GPATCH2L: variants seen among roughly 807,000 people sequenced by gnomAD.
GPATCH2L encodes G-patch domain containing 2 like.
A neutral mutation model predicts 57.4 loss-of-function variants in GPATCH2L; 31 were observed. The observed-to-expected ratio is 0.54, with a 90% CI of 0.41 to 0.73. The LOEUF is 0.73. Among genes scored for constraint, GPATCH2L ranks in the 30% least tolerant of loss-of-function variants. The pLI, the probability that GPATCH2L is intolerant of heterozygous loss-of-function variation, is 0.00. For missense variants in GPATCH2L, 481 were observed against 599.9 expected (o/e 0.80, Z 2.07); for synonymous variants, 199 against 210.7 (o/e 0.94, Z 0.48).
chr14:76,184,024 GT>G (rs376199349), intron 8 of GPATCH2L, among the ~76,000 whole-genome samples: 122,090 of 150,506 alleles, frequency 0.81, 50,535 homozygotes, highest in Non-Finnish European at 0.9. Flanking sequence ...CATTAGCATG[GT>G]GTGTGTGTGT....
At chr14:76,226,368 T>G (rs1202419955) in intron 1 of GPATCH2L, among the ~76,000 whole-genome samples, 1 of 152,204 alleles carries the variant, frequency 6.6e-6, no homozygotes, top group Non-Finnish European at 1.5e-5. Flanking sequence ...ATTGTATGAT[T>G]CCATTTATAT....
chr14:76,183,149 G>T (rs1188224383), intron 8 of GPATCH2L, among the ~76,000 whole-genome samples: 1 of 152,170 alleles, frequency 6.6e-6, no homozygotes, highest in Non-Finnish European at 1.5e-5. Context: ...GCTGGACTAG[G>T]CATCAGCTTC....
chr14:76,196,087 A>C lies in GPATCH2L; in HGVS notation c.1288+115A>C, dbSNP rs759547422. On this transcript the variant is annotated intron_variant, in intron 9 of 9. Transcript: ENST00000261530. ...TGATAGTGTAGGTCATTTTATTCCC[A>C]CTTTACATGGGAAAACTGAGACTAC... 3 of 837,104 alleles carry C rather than the reference A, an allele frequency of 3.6e-6. No homozygotes were observed. In the African/African-American group the frequency reaches 5.0e-5, roughly 14 times the overall value. The allele number at this position is 837,104 out of a possible 1,614,324, so 51.9% of individuals were successfully genotyped here.
Position 76,208,507 on chromosome 14 carries a change from G to A in GPATCH2L, c.*6656G>A, listed in dbSNP as rs2040404332. 1 of 152,154 alleles carries A rather than the reference G, an allele frequency of 6.6e-6. No homozygotes were observed. Among genetic ancestry groups the A allele is most frequent in the African/African-American group, 2.4e-5 (1 of 41,326 alleles). The allele number at this position is 152,154 out of a possible 1,614,324, so 9.4% of individuals were successfully genotyped here. ...CCCCCACCTTCTCTCAATCTTAGCA[G>A]TTAATCTCAGCCCTCCCCCACCACA... On this transcript the variant is annotated 3_prime_UTR_variant, in exon 10 of 10. Coordinates refer to ENST00000261530, the MANE Select transcript of GPATCH2L (RefSeq NM_017926.4).
intron 2 of GPATCH2L, among the ~76,000 whole-genome samples, chr14:76,162,521 TAGG>T (rs1177184343): frequency 6.6e-6 from 1 of 152,182 alleles, no homozygotes; most frequent in African/African-American, 2.4e-5. Context: ...TGTGCATTAA[TAGG>T]AGGCTGGGTA....
intron 1 of GPATCH2L, among the ~76,000 whole-genome samples, chr14:76,223,922 C>A (rs1323222440): frequency 6.6e-6 from 1 of 152,126 alleles, no homozygotes; most frequent in South Asian, 2.1e-4. Context: ...TTATGTACCC[C>A]CAAAAGCTTG....
intron 4 of GPATCH2L, 104 bp downstream of exon 4, chr14:76,172,123 A>G (rs3783997): frequency 0.65 from 410,988 of 637,142 alleles, 136,278 homozygotes; most frequent in South Asian, 0.76. Context: ...CACATTAACT[A>G]TCTGAATTTT....
rs1325162811 is a variant in GPATCH2L at position 76,155,037 on chromosome 14, CTTACTAAG to C, written c.662+14_662+21del. On this transcript the variant is annotated intron_variant, in intron 2 of 9. Transcript: ENST00000261530. Reference sequence around the variant, plus strand: ...AACATGTCAGAATGGTGAGATCTCCCTTACTAAGTCAAAGATTTTCCTGGTTAATTTTT... The same window carrying C: ...AACATGTCAGAATGGTGAGATCTCCCTCAAAGATTTTCCTGGTTAATTTTT... 6.3e-7 allele frequency: 1 copy of C among 1,591,580 alleles called. No individual in the cohort carries two copies. The highest frequency in any genetic ancestry group is 8.5e-7 in the Non-Finnish European group (1 of 1,169,796).
chr14:76,160,599 GAA>G (rs1437078081), intron 2 of GPATCH2L, among the ~76,000 whole-genome samples: 4 of 152,158 alleles, frequency 2.6e-5, no homozygotes, highest in African/African-American at 7.2e-5. Flanking sequence ...AAATTAATGA[GAA>G]GAGACTTCTA....
At chr14:76,159,612 GT>G (rs1433230293) in intron 2 of GPATCH2L, among the ~76,000 whole-genome samples, 2 of 152,060 alleles carry the variant, frequency 1.3e-5, no homozygotes, top group Non-Finnish European at 2.9e-5. Flanking sequence ...CATTCCAGGA[GT>G]GTGCCGTAAA....
At chr14:76,156,342 G>A (rs2038306095) in intron 2 of GPATCH2L, among the ~76,000 whole-genome samples, 1 of 152,136 alleles carries the variant, frequency 6.6e-6, no homozygotes, top group African/African-American at 2.4e-5. Flanking sequence ...AACTGTTTAG[G>A]TCTGTATACC....
intron 2 of GPATCH2L, among the ~76,000 whole-genome samples, chr14:76,158,635 A>G (rs745887209): frequency 6.6e-6 from 1 of 152,224 alleles, no homozygotes; most frequent in Non-Finnish European, 1.5e-5. Flanking sequence ...GTCATTAATC[A>G]GGGTTTCCTG....
chr14:76,193,226 A>T lies in GPATCH2L; in HGVS notation c.1194-2652A>T, dbSNP rs531315421. The stretch of plus-strand genomic sequence containing the variant: ...TAGTGTATAAATGGTTTTTTTTTTT[A>T]AATTCCAAAATGACACTGTCATTCC... On this transcript the variant is annotated intron_variant, in intron 8 of 9. Coordinates refer to ENST00000261530, the MANE Select transcript of GPATCH2L (RefSeq NM_017926.4). 6.0e-4 allele frequency among the ~76,000 whole-genome samples: 91 copies of T among 151,352 alleles called. 1 individual carries two copies. The Middle Eastern group carries it at 0.01, about 17-fold the overall frequency.
Position 76,180,720 on chromosome 14 carries a change from G to A in GPATCH2L, c.1108-44G>A, listed in dbSNP as rs752562456. On this transcript the variant is annotated intron_variant, in intron 7 of 9. Transcript: ENST00000261530. ...TAGGTTACCCTTTAGGATCAGGTCC[G>A]TTTCATGTAAGCCTTACTAAAATAG... The A allele has an allele frequency of 3.0e-5, 39 of 1,290,464 alleles. 1 individual carries two copies. Among genetic ancestry groups the A allele is most frequent in the South Asian group, 9.4e-5 (8 of 84,692 alleles). The allele number at this position is 1,290,464 out of a possible 1,614,324, so 79.9% of individuals were successfully genotyped here.
At chr14:76,235,120 A>G (rs1345112445) in intron 2 of GPATCH2L, among the ~76,000 whole-genome samples, 2 of 150,890 alleles carry the variant, frequency 1.3e-5, no homozygotes, top group African/African-American at 4.9e-5. Flanking sequence ...GTGAGCTGAG[A>G]TCACGCCGTT....
At chr14:76,220,575 G>T (rs1308031666) in intron 1 of GPATCH2L, among the ~76,000 whole-genome samples, 1 of 152,112 alleles carries the variant, frequency 6.6e-6, no homozygotes, top group Non-Finnish European at 1.5e-5. Context: ...ACAATAAAAT[G>T]AATAATAAAT....
rs973677059 is a variant in GPATCH2L, at chr14:76,204,518, T to C, written c.*2667T>C. 2 of 152,198 alleles carry C rather than the reference T, an allele frequency of 1.3e-5. No individual in the cohort carries two copies. Among genetic ancestry groups the C allele is most frequent in the African/African-American group, 4.8e-5 (2 of 41,452 alleles). 9.4% of individuals were successfully genotyped at this position (152,198 alleles called of 1,614,324 possible). A position where few individuals can be genotyped will look rare whatever the true frequency, so the allele number is the denominator to read the frequency against. On this transcript the variant is annotated 3_prime_UTR_variant, in exon 10 of 10. Transcript: ENST00000261530. ...CAGTTCCAGAGGATAGCCTTAGAAATGAGTGTATTTTGAATCTTAAAGTTT... is the reference window on the plus strand; with the variant it reads ...CAGTTCCAGAGGATAGCCTTAGAAACGAGTGTATTTTGAATCTTAAAGTTT...
At chr14:76,152,719 AGTT>A (rs1440742512) in intron 1 of GPATCH2L, 9 of 455,960 alleles carry the variant, frequency 2.0e-5, no homozygotes, top group Non-Finnish European at 3.1e-5. Context: ...TTCGACTGCA[AGTT>A]GTTTGATGAC....
chr14:76,194,282 C>T (rs529688158), intron 8 of GPATCH2L, among the ~76,000 whole-genome samples: 2 of 152,220 alleles, frequency 1.3e-5, no homozygotes, highest in African/African-American at 2.4e-5. Flanking sequence ...AGGTATTTGA[C>T]TTAATTTTCT....
Sources: gnomAD v4.1 joint callset for allele counts (sites outside exome capture counted in the v4.1 genomes callset) on GRCh38, gnomAD v4.1.1 for gene constraint, MANE v1.5 for transcripts, NCBI Gene and HGNC (gene_info 2026-07-23, HGNC 2026-07-21) for gene names.